The following PRKAG2 variants were observed in gnomAD, a reference collection of about 807,000 sequenced individuals.
The protein encoded by PRKAG2 is 5'-AMP-activated protein kinase subunit gamma-2.
Under a neutral mutation model 69.6 loss-of-function variants are expected in PRKAG2, and 26 were observed. The ratio of observed to expected loss-of-function variants is 0.37; its 90% CI spans 0.27 to 0.52. The LOEUF (loss-of-function observed/expected upper bound fraction) is 0.52. PRKAG2 is among the 20% of genes least tolerant of loss of function. PRKAG2 has a pLI of 0.90. For synonymous variants in PRKAG2, 293 were observed against 285.0 expected (o/e 1.03, Z -0.28); for missense variants, 557 against 740.0 (o/e 0.75, Z 2.87).
chr7:151,768,125 A>G (rs1246275907), intron 3 of PRKAG2, among the ~76,000 whole-genome samples: 2 of 152,206 alleles, frequency 1.3e-5, no homozygotes, highest in Admixed American at 1.3e-4. Context: ...CTCCTCCAGG[A>G]GGGTTCTAGA....
rs138640368 is a variant in PRKAG2, at chr7:151,592,152, G to C, written c.864+3193C>G. Reference sequence around the variant, plus strand: ...TACCTCGATCCACACCCAGACTCGGGGGAGCTCCTTATGAGCCACTGACTG... The same window carrying C: ...TACCTCGATCCACACCCAGACTCGGCGGAGCTCCTTATGAGCCACTGACTG... On this transcript the variant is annotated intron_variant, in intron 6 of 15. Transcript: ENST00000287878. 5.0e-3 allele frequency among the ~76,000 whole-genome samples: 766 copies of C among 152,322 alleles called. 6 individuals carry two copies. Among genetic ancestry groups the C allele is most frequent in the African/African-American group, 0.018 (734 of 41,570 alleles).
chr7:151,572,333 C>T (rs1807766288), intron 9 of PRKAG2: 1 of 189,812 alleles, frequency 5.3e-6, no homozygotes, highest in Admixed American at 6.0e-5. Context: ...AGGCAAATCT[C>T]TGAGGGCTTA....
intron 1 of PRKAG2, among the ~76,000 whole-genome samples, chr7:151,860,524 T>C (rs1019469550): frequency 7.9e-5 from 12 of 152,056 alleles, no homozygotes; most frequent in African/African-American, 2.7e-4. Flanking sequence ...CCATTGGGAA[T>C]GAACCAACCA....
rs2080415895 is a variant in PRKAG2, at chr7:151,876,772, G to A, written c.-152C>T. 1 of 778,642 alleles carries A rather than the reference G, an allele frequency of 1.3e-6. No homozygotes were observed. The highest frequency in any genetic ancestry group is 2.6e-4 in the Middle Eastern group (1 of 3,836). 48.2% of individuals were successfully genotyped at this position (778,642 alleles called of 1,614,324 possible). A position where few individuals can be genotyped will look rare whatever the true frequency, so the allele number is the denominator to read the frequency against. The stretch of plus-strand genomic sequence containing the variant: ...TTCCGCGGAGAGGGAGGGTGAGCAG[G>A]GAACTCGCGCGGCCGCCGCCGCCGC... On this transcript the variant is annotated 5_prime_UTR_variant, in exon 1 of 16. Coordinates refer to ENST00000287878, the MANE Select transcript of PRKAG2 (RefSeq NM_016203.4).
chr7:151,770,923 G>A (rs1434199231), intron 3 of PRKAG2, among the ~76,000 whole-genome samples: 2 of 152,176 alleles, frequency 1.3e-5, no homozygotes, highest in South Asian at 2.1e-4. Flanking sequence ...TTCCAGCCAC[G>A]GTTGGGTCTT....
chr7:151,628,440 C>T (rs567034078), intron 5 of PRKAG2, among the ~76,000 whole-genome samples: 26 of 152,170 alleles, frequency 1.7e-4, no homozygotes, highest in African/African-American at 2.4e-4. Context: ...GGCTGGGCAC[C>T]GTGGTTCATG....
rs921221618 is a variant in PRKAG2 at position 151,778,930 on chromosome 7, CACAT to C, written c.466+2218_466+2221del. ...ATGTGTGTACACACATACATATATG[CACAT>C]ACATACACACATACATCTATACAAA... On this transcript the variant is annotated intron_variant, in intron 3 of 15. Transcript: ENST00000287878. Among the ~76,000 whole-genome samples, 112 of 151,232 alleles carry C rather than the reference CACAT, an allele frequency of 7.4e-4. 1 individual carries two copies. The highest frequency in any genetic ancestry group is 2.7e-3 in the African/African-American group (111 of 40,690).
chr7:151,869,088 G>A (rs73160065), intron 1 of PRKAG2, among the ~76,000 whole-genome samples: 2 of 152,120 alleles, frequency 1.3e-5, no homozygotes, highest in Admixed American at 6.5e-5. Flanking sequence ...GGTTTTATTG[G>A]GGGGGGCAGT....
At position 151,561,109 on chromosome 7, in the gene PRKAG2, A is replaced by G. The variant is rs185453381; in HGVS notation, c.1585-492T>C. On this transcript the variant is annotated intron_variant, in intron 14 of 15. Coordinates refer to ENST00000287878, the MANE Select transcript of PRKAG2 (RefSeq NM_016203.4). ...AGGGACACAGGCATGAGAAGGAAAGAGGGGAAAGCTATCTATCTCCTGTCT... is the reference window on the plus strand; with the variant it reads ...AGGGACACAGGCATGAGAAGGAAAGGGGGGAAAGCTATCTATCTCCTGTCT... Among the ~76,000 whole-genome samples the G allele has an allele frequency of 1.1e-4, 16 of 152,298 alleles. No homozygotes were observed. In the East Asian group the frequency reaches 3.1e-3, roughly 29 times the overall value.
Position 151,777,386 on chromosome 7 carries a change from C to T in PRKAG2, c.466+3766G>A, listed in dbSNP as rs1415840700. 3.3e-5 allele frequency among the ~76,000 whole-genome samples: 5 copies of T among 152,168 alleles called. No individual in the cohort carries two copies. Among genetic ancestry groups the T allele is most frequent in the East Asian group, 1.9e-4 (1 of 5,200 alleles). ...CCCCGCTCTCAGGTTGAAATTGGATCCCCGGTGTTGGAGGTGGGGCCCCGT... is the reference window on the plus strand; with the variant it reads ...CCCCGCTCTCAGGTTGAAATTGGATTCCCGGTGTTGGAGGTGGGGCCCCGT... On this transcript the variant is annotated intron_variant, in intron 3 of 15. Transcript: ENST00000287878. The surrounding 1 kb of genome is among the most constrained non-coding windows in gnomAD (Gnocchi z 4.3).
At chr7:151,592,049 G>A (rs540667606) in intron 6 of PRKAG2, among the ~76,000 whole-genome samples, 4 of 152,264 alleles carry the variant, frequency 2.6e-5, no homozygotes, top group South Asian at 4.2e-4. Context: ...AGGCCGAGAC[G>A]GGGCTCGCCC....
At chr7:151,803,431 G>A (rs560413847) in intron 1 of PRKAG2, among the ~76,000 whole-genome samples, 58 of 152,142 alleles carry the variant, frequency 3.8e-4, no homozygotes, top group Non-Finnish European at 7.9e-4. Context: ...TACAAAATTT[G>A]AGCAGCAGTG....
intron 1 of PRKAG2, among the ~76,000 whole-genome samples, chr7:151,865,669 A>G (rs2080046498): frequency 6.6e-6 from 1 of 152,194 alleles, no homozygotes; most frequent in African/African-American, 2.4e-5. Flanking sequence ...AATCTCCATT[A>G]TTTAAGAAGC....
intron 12 of PRKAG2, 92 bp downstream of exon 12, chr7:151,565,628 T>C: frequency 6.6e-7 from 1 of 1,517,806 alleles, no homozygotes; most frequent in South Asian, 1.1e-5. Flanking sequence ...AGTTTTCATT[T>C]TCCCCACGTA....
At chr7:151,581,073 C>A (rs1810362886) in intron 6 of PRKAG2, among the ~76,000 whole-genome samples, 1 of 151,928 alleles carries the variant, frequency 6.6e-6, no homozygotes, top group African/African-American at 2.4e-5. Flanking sequence ...AGTATATACA[C>A]ATACTATGTA....
intron 1 of PRKAG2, among the ~76,000 whole-genome samples, chr7:151,859,529 G>GGATT (rs1290727130): frequency 1.3e-5 from 2 of 152,216 alleles, no homozygotes; most frequent in African/African-American, 4.8e-5. Context: ...AAGGGCCATG[G>GGATT]GATTAGCGAA....
chr7:151,617,439 A>G (rs2538045), intron 5 of PRKAG2, among the ~76,000 whole-genome samples: 90,783 of 151,880 alleles, frequency 0.6, 27,404 homozygotes, highest in East Asian at 0.72. Context: ...GAATTGATGC[A>G]TTGAAGGTGG....
At chr7:151,658,723 T>A (rs1829877083) in intron 4 of PRKAG2, among the ~76,000 whole-genome samples, 1 of 152,222 alleles carries the variant, frequency 6.6e-6, no homozygotes, top group South Asian at 2.1e-4. Context: ...AAGATGATTT[T>A]AAACTAATCT....
rs1161548787 is a variant in PRKAG2, at chr7:151,565,589, CT to C, written c.1399+130del. On this transcript the variant is annotated intron_variant, in intron 12 of 15. Coordinates refer to ENST00000287878, the MANE Select transcript of PRKAG2 (RefSeq NM_016203.4). ...ACTTTTTTTACGATCCTGCGTGCCC[CT>C]TGGTGCTGAATTTATTCACCATACC... 5.4e-6 allele frequency: 7 copies of C among 1,305,890 alleles called. No individual in the cohort carries two copies. In the African/African-American group the frequency reaches 1.0e-4, roughly 19 times the overall value. 80.9% of individuals were successfully genotyped at this position (1,305,890 alleles called of 1,614,324 possible). A position where few individuals can be genotyped will look rare whatever the true frequency, so the allele number is the denominator to read the frequency against.
Sources: gnomAD v4.1 joint callset for allele counts (sites outside exome capture counted in the v4.1 genomes callset) on GRCh38, gnomAD v4.1.1 for gene constraint, Gnocchi (gnomAD v3.1) non-coding constraint, MANE v1.5 for transcripts, NCBI Gene and HGNC (gene_info 2026-07-23, HGNC 2026-07-21) for gene names.